The following FLT3 variants were observed in gnomAD, a reference collection of about 807,000 sequenced individuals.
FLT3 encodes the protein receptor-type tyrosine-protein kinase FLT3.
FLT3 carries 46 observed loss-of-function variants against 126.6 expected under a neutral mutation model. The ratio of observed to expected loss-of-function variants is 0.36; its 90% CI spans 0.29 to 0.46. The LOEUF (loss-of-function observed/expected upper bound fraction) is 0.46. Among genes scored for constraint, FLT3 ranks in the 20% least tolerant of loss-of-function variants. The pLI is 1.00. For missense variants in FLT3, 1,069 were observed against 1,190.3 expected (o/e 0.90, Z 1.50); for synonymous variants, 404 against 434.4 (o/e 0.93, Z 0.87).
chr13:28,053,067 A>G (rs893159497), intron 4 of FLT3, among the ~76,000 whole-genome samples: 1 of 152,180 alleles, frequency 6.6e-6, no homozygotes, highest in African/African-American at 2.4e-5. Context: ...ATCTGCAACT[A>G]GGCAGAAATA....
At chr13:28,020,885 G>T (rs1011189589) in intron 19 of FLT3, among the ~76,000 whole-genome samples, 2 of 152,184 alleles carry the variant, frequency 1.3e-5, no homozygotes, top group East Asian at 1.9e-4. Flanking sequence ...ACAGTGACAC[G>T]CATGATTCAA....
intron 9 of FLT3, among the ~76,000 whole-genome samples, chr13:28,046,096 A>C (rs1279666127): frequency 6.6e-6 from 1 of 152,170 alleles, no homozygotes; most frequent in African/African-American, 2.4e-5. Flanking sequence ...ACAGTCCTTC[A>C]CAACAAAGAA....
At chr13:28,027,962 T>C (rs1194731406) in intron 16 of FLT3, among the ~76,000 whole-genome samples, 3 of 152,206 alleles carry the variant, frequency 2.0e-5, no homozygotes, top group Non-Finnish European at 4.4e-5. Context: ...TTATGCAATA[T>C]ATCACGATAA....
chr13:28,091,060 A>C (rs1878997890), intron 1 of FLT3, among the ~76,000 whole-genome samples: 1 of 151,970 alleles, frequency 6.6e-6, no homozygotes, highest in Non-Finnish European at 1.5e-5. Context: ...CATGAAACAA[A>C]CCAGAGGATG....
At chr13:28,093,323 A>G (rs772795713) in intron 1 of FLT3, among the ~76,000 whole-genome samples, 41 of 151,822 alleles carry the variant, frequency 2.7e-4, no homozygotes, top group Non-Finnish European at 1.5e-4. Flanking sequence ...AGCTGGGACT[A>G]CAGGCATGGA....
intron 4 of FLT3, among the ~76,000 whole-genome samples, chr13:28,055,516 C>A (rs774275873): frequency 6.6e-6 from 1 of 152,202 alleles, no homozygotes; most frequent in African/African-American, 2.4e-5. Flanking sequence ...TTTTTGGCAA[C>A]CATGCCACGC....
At chr13:28,092,484 A>G (rs1432403904) in intron 1 of FLT3, among the ~76,000 whole-genome samples, 2 of 152,024 alleles carry the variant, frequency 1.3e-5, no homozygotes, top group Non-Finnish European at 1.5e-5. Flanking sequence ...CTCCTGCCTC[A>G]GCCTCCAGAG....
At chr13:28,076,237 T>G (rs1877917064) in intron 1 of FLT3, among the ~76,000 whole-genome samples, 1 of 152,162 alleles carries the variant, frequency 6.6e-6, no homozygotes, top group Admixed American at 6.5e-5. Context: ...CAAAACATAA[T>G]CAAATGCTGA....
Position 28,024,960 on chromosome 13 carries a change from T to C in FLT3, c.2208-17A>G. 2.0e-6 allele frequency: 3 copies of C among 1,525,686 alleles called. No individual in the cohort carries two copies. 94.5% of individuals were successfully genotyped at this position (1,525,686 alleles called of 1,614,324 possible). ...CCAGGCATGCTATTAAAAAATTTTG[T>C]TTTTTCATTATTTACATTATTCTTC... On this transcript the variant is annotated splice_polypyrimidine_tract_variant and intron_variant, in intron 17 of 23. Coordinates refer to ENST00000241453, the MANE Select transcript of FLT3 (RefSeq NM_004119.3).
In FLT3 at chr13:28,052,569, A is replaced by C. The variant is rs2137740085; in HGVS notation, c.590T>G (p.Val197Gly). The C allele has an allele frequency of 1.2e-6, 2 of 1,613,632 alleles. No homozygotes were observed. The highest frequency in any genetic ancestry group is 1.7e-6 in the Non-Finnish European group (2 of 1,179,734). The change falls in exon 5 of 24, where the codon GTG becomes GGG. Residue 197 changes from valine (V) to glycine (G), a missense_variant. Coordinates refer to ENST00000241453, the MANE Select transcript of FLT3 (RefSeq NM_004119.3). ...CCTTTCCCCCTGTGAATCGCAAAGC[A>C]CCCATTCCACGATCGGCTCTGGAAC... is the stretch of plus-strand genomic sequence containing the variant. ...ESVPEPIVEW[V>G]LCDSQGESCK...
At chr13:28,085,661 C>T (rs1037715442) in intron 1 of FLT3, among the ~76,000 whole-genome samples, 1 of 146,062 alleles carries the variant, frequency 6.8e-6, no homozygotes, top group African/African-American at 2.8e-5. Context: ...ATGAATCAAG[C>T]CTTATAACAT....
chr13:28,082,230 A>G (rs1878373831), intron 1 of FLT3, among the ~76,000 whole-genome samples: 1 of 152,064 alleles, frequency 6.6e-6, no homozygotes, highest in South Asian at 2.1e-4. Flanking sequence ...AGCTCACTCC[A>G]ACACTGAACT....
intron 10 of FLT3, among the ~76,000 whole-genome samples, chr13:28,036,841 A>G (rs528168337): frequency 6.6e-6 from 1 of 152,122 alleles, no homozygotes; most frequent in African/African-American, 2.4e-5. Flanking sequence ...TTAGCTGAGC[A>G]TGGTGGCGCG....
intron 22 of FLT3, 83 bp downstream of exon 22, chr13:28,015,074 T>G: frequency 4.9e-6 from 4 of 818,442 alleles, no homozygotes; most frequent in Non-Finnish European, 8.2e-6. Context: ...CTAAGGAGTT[T>G]GACTTTTTTT....
intron 18 of FLT3, among the ~76,000 whole-genome samples, chr13:28,024,146 T>A (rs1593227284): frequency 6.6e-6 from 1 of 151,322 alleles, no homozygotes; most frequent in Non-Finnish European, 1.5e-5. Flanking sequence ...TCTTTTTTTT[T>A]TTTGAGTTGA....
At chr13:28,006,744 T>G (rs890607474) in intron 23 of FLT3, among the ~76,000 whole-genome samples, 13 of 150,914 alleles carry the variant, frequency 8.6e-5, no homozygotes, top group East Asian at 3.9e-4. Context: ...TTTTTTTTTT[T>G]TTGTTGTTGC....
At chr13:28,040,062 T>A (rs1353449647) in intron 9 of FLT3, among the ~76,000 whole-genome samples, 1 of 152,198 alleles carries the variant, frequency 6.6e-6, no homozygotes, top group East Asian at 1.9e-4. Context: ...AAGGCAGTTG[T>A]AGCAATCCAA....
chr13:28,088,584 C>CTTTTTTTTT (rs34680883), intron 1 of FLT3, among the ~76,000 whole-genome samples: 1 of 103,360 alleles, frequency 9.7e-6, no homozygotes, highest in African/African-American at 3.8e-5. Context: ...CATCCAAAAC[C>CTTTTTTTTT]TTTTTTTTTT....
rs80217347 is a variant in FLT3 at position 28,004,382 on chromosome 13, C to T, written c.2860-208G>A. The stretch of plus-strand genomic sequence containing the variant: ...GTGCAGTGGTACAACCATAGTTCAC[C>T]GTGGCCTTGATGTTCTGGGTTTGAG... On this transcript the variant is annotated intron_variant, in intron 23 of 23. Coordinates refer to ENST00000241453, the MANE Select transcript of FLT3 (RefSeq NM_004119.3). Among the ~76,000 whole-genome samples, 941 of 152,206 alleles carry T rather than the reference C, an allele frequency of 6.2e-3. 7 individuals are homozygous for T. The highest frequency in any genetic ancestry group is 0.022 in the African/African-American group (896 of 41,522).
Sources: gnomAD v4.1 joint callset for allele counts (sites outside exome capture counted in the v4.1 genomes callset) on GRCh38, gnomAD v4.1.1 for gene constraint, MANE v1.5 for transcripts, NCBI Gene and HGNC (gene_info 2026-07-23, HGNC 2026-07-21) for gene names.